SP140L: variants seen among roughly 807,000 people sequenced by gnomAD.
SP140L encodes the protein nuclear body protein SP140-like protein.
In SP140L, 64 loss-of-function variants were observed where a neutral mutation model predicts 84.3. That is an observed-to-expected ratio of 0.76 (90% CI 0.62 to 0.94). The LOEUF (loss-of-function observed/expected upper bound fraction) is 0.94. Ranked by LOEUF, SP140L falls within the 40% of genes least tolerant of loss-of-function variation. The pLI is 0.00. For synonymous variants in SP140L, 242 were observed against 236.9 expected (o/e 1.02, Z -0.20); for missense variants, 628 against 692.5 (o/e 0.91, Z 1.05).
chr2:230,376,338 C>T (rs1203344340), intron 7 of SP140L, among the ~76,000 whole-genome samples: 7 of 152,026 alleles, frequency 4.6e-5, no homozygotes, highest in African/African-American at 7.2e-5. Flanking sequence ...TTATCTTCTA[C>T]GTAGAAAACC....
At position 230,327,223 on chromosome 2, in the gene SP140L, G is replaced by A. The variant is rs1402616702; in HGVS notation, c.-47G>A. On this transcript the variant is annotated 5_prime_UTR_variant, in exon 1 of 19. Coordinates refer to ENST00000415673, the MANE Select transcript of SP140L (RefSeq NM_138402.6). ...GCACGCAGGCTGGGCCGACTGGGGA[G>A]CTCATAGGCCAGGCTCTGACACCCA... 1.3e-6 allele frequency: 2 copies of A among 1,587,364 alleles called. No individual in the cohort carries two copies. Among genetic ancestry groups the A allele is most frequent in the African/African-American group, 1.3e-5 (1 of 74,338 alleles).
rs183089081 is a variant in SP140L, at chr2:230,347,359, G to A, written c.108-10446G>A. Among the ~76,000 whole-genome samples, 397 of 152,266 alleles carry A rather than the reference G, an allele frequency of 2.6e-3. 1 individual carries two copies. Among genetic ancestry groups the A allele is most frequent in the Middle Eastern group, 6.8e-3 (2 of 294 alleles). ...GAGTCACTGTCTGGGTTCTCTTCCA[G>A]AGTAGAACCACTGGCTGTGCTTCAG... On this transcript the variant is annotated intron_variant, in intron 2 of 18. Coordinates refer to ENST00000415673, the MANE Select transcript of SP140L (RefSeq NM_138402.6).
rs938430730 is a variant in SP140L, at chr2:230,403,676, T to C, written c.*780T>C. The C allele has an allele frequency of 3.3e-5, 5 of 152,244 alleles. No individual in the cohort carries two copies. Among genetic ancestry groups the C allele is most frequent in the Non-Finnish European group, 7.3e-5 (5 of 68,044 alleles). The allele number at this position is 152,244 out of a possible 1,614,324, so 9.4% of individuals were successfully genotyped here. On this transcript the variant is annotated 3_prime_UTR_variant, in exon 19 of 19. Coordinates refer to ENST00000415673, the MANE Select transcript of SP140L (RefSeq NM_138402.6). ...TCATCTGACCCTTCTTGGAGTCTCA[T>C]ATTTCGTGGAACTCCTGTGCAAACA...
At chr2:230,345,714 C>T (rs188869700) in intron 2 of SP140L, among the ~76,000 whole-genome samples, 1 of 151,718 alleles carries the variant, frequency 6.6e-6, no homozygotes, top group African/African-American at 2.4e-5. Context: ...ATAGCTATAT[C>T]ATCTGATTTT....
At chr2:230,400,518 A>G (rs559579872) in intron 15 of SP140L, 1 of 484,420 alleles carries the variant, frequency 2.1e-6, no homozygotes, top group South Asian at 2.4e-5. Context: ...GAAGTTTTGC[A>G]GTAGGGTCTC....
At chr2:230,397,601 A>G (rs1403291484) in intron 14 of SP140L, among the ~76,000 whole-genome samples, 3 of 152,112 alleles carry the variant, frequency 2.0e-5, no homozygotes, top group East Asian at 1.9e-4. Context: ...GCTCCTTTTC[A>G]TTGCAGTGAG....
At position 230,365,733 on chromosome 2, in the gene SP140L, G is replaced by A. The variant is rs566972563; in HGVS notation, c.523+4036G>A. 5.5e-4 allele frequency among the ~76,000 whole-genome samples: 84 copies of A among 151,914 alleles called. No homozygotes were observed. The South Asian group carries it at 8.7e-3, about 16-fold the overall frequency. On this transcript the variant is annotated intron_variant, in intron 5 of 18. Transcript: ENST00000415673. ...TAAGGTGTAACATTAGGCTGTTTGA[G>A]ATCTTTCTTCTTTCTTGATGTAGGT...
chr2:230,362,887 GA>G (rs200934291), intron 5 of SP140L, among the ~76,000 whole-genome samples: 11,031 of 142,396 alleles, frequency 0.077, 653 homozygotes, highest in South Asian at 0.21. Flanking sequence ...GAAAGATACA[GA>G]AAAAAAAAAA....
At chr2:230,366,463 C>T (rs769635840) in intron 5 of SP140L, among the ~76,000 whole-genome samples, 9 of 151,654 alleles carry the variant, frequency 5.9e-5, no homozygotes, top group East Asian at 5.8e-4. Context: ...TTTGCATTTG[C>T]GTGGAATATT....
At chr2:230,397,320 T>G (rs527778169) in intron 14 of SP140L, among the ~76,000 whole-genome samples, 14 of 152,182 alleles carry the variant, frequency 9.2e-5, no homozygotes, top group Non-Finnish European at 1.9e-4. Context: ...ATTAGTCCTG[T>G]AAAGGAGTAC....
At chr2:230,397,401 G>T (rs1424375234) in intron 14 of SP140L, among the ~76,000 whole-genome samples, 2 of 152,164 alleles carry the variant, frequency 1.3e-5, no homozygotes, top group Non-Finnish European at 2.9e-5. Context: ...TGCTGAGCTG[G>T]TTAGGACTGA....
At chr2:230,337,324 C>G (rs1173269473) in intron 2 of SP140L, among the ~76,000 whole-genome samples, 1 of 152,148 alleles carries the variant, frequency 6.6e-6, no homozygotes, top group Non-Finnish European at 1.5e-5. Flanking sequence ...ATCCTTCGCC[C>G]ACTTTTTGAT....
At chr2:230,356,688 C>T (rs549254779) in intron 2 of SP140L, among the ~76,000 whole-genome samples, 1 of 152,262 alleles carries the variant, frequency 6.6e-6, no homozygotes, top group Non-Finnish European at 1.5e-5. Flanking sequence ...TTCAAATCTC[C>T]ACTGTTTCTT....
At chr2:230,344,093 A>T (rs958792034) in intron 2 of SP140L, among the ~76,000 whole-genome samples, 1 of 152,046 alleles carries the variant, frequency 6.6e-6, no homozygotes, top group Non-Finnish European at 1.5e-5. Flanking sequence ...TTCTGACTCG[A>T]TGATGTGTCT....
At chr2:230,365,057 T>TTATCAGGGA (rs1429746780) in intron 5 of SP140L, among the ~76,000 whole-genome samples, 1 of 152,036 alleles carries the variant, frequency 6.6e-6, no homozygotes, top group Non-Finnish European at 1.5e-5. Context: ...TCACATATGT[T>TTATCAGGGA]TATCAGGGAT....
intron 5 of SP140L, among the ~76,000 whole-genome samples, chr2:230,369,981 C>A (rs1003820804): frequency 6.8e-6 from 1 of 148,132 alleles, no homozygotes; most frequent in South Asian, 2.1e-4. Flanking sequence ...ACCCTGTTGG[C>A]CAGGCTGGTC....
chr2:230,398,460 G>A lies in SP140L; in HGVS notation c.1197+1662G>A, dbSNP rs148861987. On this transcript the variant is annotated intron_variant, in intron 14 of 18. Transcript: ENST00000415673. ...CCACCTCCAACTCAGACAGAACAGC[G>A]TGTTGAGACTCAATTGTGAACATTT... Among the ~76,000 whole-genome samples the A allele has an allele frequency of 2.6e-4, 39 of 152,344 alleles. 1 individual carries two copies. In the East Asian group the frequency reaches 6.9e-3, roughly 27 times the overall value.
At position 230,351,458 on chromosome 2, in the gene SP140L, T is replaced by G. The variant is rs1055928512; in HGVS notation, c.108-6347T>G. ...ATTTTTTATTAGCAGACTTTAGTCT[T>G]TGCCTATTAATATCAGGTATATTAA... On this transcript the variant is annotated intron_variant, in intron 2 of 18. Coordinates refer to ENST00000415673, the MANE Select transcript of SP140L (RefSeq NM_138402.6). Among the ~76,000 whole-genome samples the G allele has an allele frequency of 3.3e-5, 5 of 152,228 alleles. No homozygotes were observed. The South Asian group carries it at 1.0e-3, about 31-fold the overall frequency.
chr2:230,355,256 A>G (rs980531749), intron 2 of SP140L, among the ~76,000 whole-genome samples: 5 of 152,212 alleles, frequency 3.3e-5, no homozygotes, highest in African/African-American at 1.2e-4. Flanking sequence ...GAATTTAGCA[A>G]TGCCATAAAT....
Sources: allele counts gnomAD v4.1 joint callset (sites outside exome capture counted in the v4.1 genomes callset), GRCh38; gene constraint gnomAD v4.1.1; transcripts MANE v1.5; gene names NCBI Gene and HGNC (gene_info 2026-07-23, HGNC 2026-07-21).